The following ARHGAP22 variants were observed in gnomAD, a reference collection of about 807,000 sequenced individuals.
The protein encoded by ARHGAP22 is Rho GTPase activating protein 22.
A neutral mutation model predicts 59.1 loss-of-function variants in ARHGAP22; 48 were observed. The ratio of observed to expected loss-of-function variants is 0.81; its 90% CI spans 0.64 to 1.03. The LOEUF is 1.03. Among genes scored for constraint, ARHGAP22 ranks in the 50% least tolerant of loss-of-function variants. The pLI is 0.00. For synonymous variants in ARHGAP22, 445 were observed against 416.4 expected, an observed-to-expected ratio of 1.07 and a Z score of -0.84; for missense variants, 1,015 against 958.7, an observed-to-expected ratio of 1.06 and a Z score of -0.78.
At chr10:48,620,212 G>A (rs1337671092) in intron 1 of ARHGAP22, among the ~76,000 whole-genome samples, 1 of 151,668 alleles carries the variant, frequency 6.6e-6, no homozygotes, top group East Asian at 1.9e-4. Flanking sequence ...GAGCACAGTT[G>A]ATTCTTGCTC....
intron 2 of ARHGAP22, among the ~76,000 whole-genome samples, chr10:48,579,067 A>G (rs2058947513): frequency 6.6e-6 from 1 of 151,570 alleles, no homozygotes; most frequent in Admixed American, 6.6e-5. Context: ...CATCTTATTT[A>G]TTAGTTTTTT....
At chr10:48,476,844 A>C (rs1314316928) in intron 4 of ARHGAP22, among the ~76,000 whole-genome samples, 2 of 152,138 alleles carry the variant, frequency 1.3e-5, no homozygotes, top group Non-Finnish European at 2.9e-5. Context: ...CAGCTCTTGG[A>C]CGGGCTATTT....
rs151101916 is a variant in ARHGAP22 at position 48,643,540 on chromosome 10, C to T, written c.52+8694G>A. Among the ~76,000 whole-genome samples the T allele has an allele frequency of 4.2e-3, 610 of 145,180 alleles. 1 individual carries two copies. Among genetic ancestry groups the T allele is most frequent in the African/African-American group, 0.015 (584 of 39,078 alleles). On this transcript the variant is annotated intron_variant, in intron 1 of 9. Transcript: ENST00000435790. ...ACATCGCATGTTCTCACTCATAGGT[C>T]GGAATTGAACAATGAGAACATTTGG...
intron 3 of ARHGAP22, among the ~76,000 whole-genome samples, chr10:48,549,669 T>C (rs748979313): frequency 2.6e-4 from 39 of 152,166 alleles, no homozygotes; most frequent in Non-Finnish European, 5.1e-4. Flanking sequence ...TCTTATACAT[T>C]ATACGGTCCT....
At chr10:48,434,831 C>G in the ARHGAP22 span, 1 of 1,523,494 alleles carries the variant, frequency 6.6e-7, no homozygotes, top group Admixed American at 1.9e-5. Context: ...GTGCAAGTAG[C>G]TTGATCTGCA....
chr10:48,475,515 G>A (rs1383058316), intron 4 of ARHGAP22, among the ~76,000 whole-genome samples: 1 of 152,164 alleles, frequency 6.6e-6, no homozygotes, highest in Non-Finnish European at 1.5e-5. Context: ...AGTTCCCGTA[G>A]TCTTTCTATC....
the ARHGAP22 span, among the ~76,000 whole-genome samples, chr10:48,432,263 G>T: frequency 6.6e-6 from 1 of 152,140 alleles, no homozygotes; most frequent in Admixed American, 6.6e-5. Context: ...GTTGTATCTA[G>T]CATCTTGTAT....
At chr10:48,493,399 G>C in intron 3 of ARHGAP22, 2 of 1,516,730 alleles carry the variant, frequency 1.3e-6, no homozygotes, top group South Asian at 2.4e-5. Context: ...CTCCCAGCCT[G>C]GTCCTCACAG....
At chr10:48,508,882 A>C (rs1239298943) in intron 3 of ARHGAP22, among the ~76,000 whole-genome samples, 2 of 152,232 alleles carry the variant, frequency 1.3e-5, no homozygotes, top group Non-Finnish European at 2.9e-5. Flanking sequence ...CAGTGACACC[A>C]ATCAACATGC....
At chr10:48,610,498 A>G (rs1292614048) in intron 1 of ARHGAP22, among the ~76,000 whole-genome samples, 2 of 152,146 alleles carry the variant, frequency 1.3e-5, no homozygotes, top group Non-Finnish European at 2.9e-5. Flanking sequence ...TTTTGTTCCA[A>G]CCACTGTTGT....
At chr10:48,650,044 C>A (rs1309975678) in intron 1 of ARHGAP22, among the ~76,000 whole-genome samples, 2 of 145,566 alleles carry the variant, frequency 1.4e-5, no homozygotes, top group Admixed American at 6.8e-5. Flanking sequence ...GAGAGAGAGA[C>A]CAGGAGGTGG....
chr10:48,631,503 A>G (rs1174538667), intron 1 of ARHGAP22, among the ~76,000 whole-genome samples: 1 of 152,200 alleles, frequency 6.6e-6, no homozygotes, highest in African/African-American at 2.4e-5. Context: ...TTAAAATGAT[A>G]TATTTCTCCT....
chr10:48,477,027 T>C (rs2048820681), intron 4 of ARHGAP22, among the ~76,000 whole-genome samples: 1 of 152,226 alleles, frequency 6.6e-6, no homozygotes, highest in Admixed American at 6.5e-5. Context: ...ACTTAAAGCA[T>C]AAATATGCAG....
At chr10:48,440,797 T>C in the ARHGAP22 span, among the ~76,000 whole-genome samples, 1 of 152,220 alleles carries the variant, frequency 6.6e-6, no homozygotes, top group East Asian at 1.9e-4. Flanking sequence ...GGATGGTCAC[T>C]GCCAAGAGAA....
At chr10:48,544,493 A>G (rs2056256316) in intron 3 of ARHGAP22, among the ~76,000 whole-genome samples, 1 of 152,092 alleles carries the variant, frequency 6.6e-6, no homozygotes, top group South Asian at 2.1e-4. Flanking sequence ...GCTGTCCAAT[A>G]CGGTGCCACC....
At chr10:48,575,134 C>T (rs2058628265) in intron 2 of ARHGAP22, 1 of 152,228 alleles carries the variant, frequency 6.6e-6, no homozygotes, top group African/African-American at 2.4e-5. Flanking sequence ...GGCCATGTGA[C>T]ATGACTGCTC....
chr10:48,466,036 C>T (rs573790597), intron 4 of ARHGAP22, among the ~76,000 whole-genome samples: 3 of 152,244 alleles, frequency 2.0e-5, no homozygotes, highest in Non-Finnish European at 4.4e-5. Flanking sequence ...TGAAAACTCT[C>T]CTGCTCCCCA....
chr10:48,533,932 A>G (rs994039507), intron 3 of ARHGAP22, among the ~76,000 whole-genome samples: 2 of 152,264 alleles, frequency 1.3e-5, no homozygotes, highest in East Asian at 1.9e-4. Flanking sequence ...CAGATTGTGG[A>G]AAAGCAGCTG....
At chr10:48,455,602 C>A (rs780474031) in intron 5 of ARHGAP22, among the ~76,000 whole-genome samples, 1 of 152,198 alleles carries the variant, frequency 6.6e-6, no homozygotes, top group Admixed American at 6.5e-5. Flanking sequence ...GGCCAGGGAG[C>A]CCCTTCCACA....
Sources: gnomAD v4.1 joint callset for allele counts (sites outside exome capture counted in the v4.1 genomes callset) on GRCh38, gnomAD v4.1.1 for gene constraint, MANE v1.5 for transcripts, NCBI Gene and HGNC (gene_info 2026-07-23, HGNC 2026-07-21) for gene names.